The following TRERF1 variants were observed in gnomAD, a reference collection of about 807,000 sequenced individuals.
The protein encoded by TRERF1 is transcriptional-regulating factor 1.
TRERF1 carries 27 observed loss-of-function variants against 122.9 expected under a neutral mutation model. The observed-to-expected ratio is 0.22, with a 90% CI of 0.16 to 0.30. The LOEUF is 0.30. TRERF1 is among the 10% of genes least tolerant of loss of function. The pLI is 1.00. For synonymous variants in TRERF1, 636 were observed against 641.7 expected, an observed-to-expected ratio of 0.99 and a Z score of 0.13; for missense variants, 1,248 against 1,560.3, an observed-to-expected ratio of 0.80 and a Z score of 3.37.
chr6:42,338,742 T>C (rs1451178705), intron 3 of TRERF1, among the ~76,000 whole-genome samples: 1 of 152,138 alleles, frequency 6.6e-6, no homozygotes, highest in Non-Finnish European at 1.5e-5. Context: ...TAATCAACCA[T>C]GTGGCTAGAA....
chr6:42,239,311 C>A (rs1773074879), intron 15 of TRERF1, among the ~76,000 whole-genome samples: 1 of 152,144 alleles, frequency 6.6e-6, no homozygotes, highest in Non-Finnish European at 1.5e-5. Context: ...TCACAGCCAG[C>A]CCCATATATT....
In TRERF1 at chr6:42,268,049, G is replaced by T. The variant is rs1779522638; in HGVS notation, c.1437+105C>A. 2 of 1,304,872 alleles carry T rather than the reference G, an allele frequency of 1.5e-6. No individual in the cohort carries two copies. Among genetic ancestry groups the T allele is most frequent in the Non-Finnish European group, 2.0e-6 (2 of 1,004,766 alleles). 80.8% of individuals were successfully genotyped at this position (1,304,872 alleles called of 1,614,324 possible). On this transcript the variant is annotated intron_variant, in intron 5 of 17. Coordinates refer to ENST00000372922, the Ensembl canonical transcript of TRERF1. The surrounding 1 kb of genome is among the most constrained non-coding windows in gnomAD (Gnocchi z 4.4). ...GGTTAATGTTTGTGGAATTAGTAAA[G>T]AACAAAAGGGTTGAGGGGGCTTGGA...
chr6:42,288,862 G>C (rs1405647819), intron 4 of TRERF1, among the ~76,000 whole-genome samples: 1 of 151,948 alleles, frequency 6.6e-6, no homozygotes, highest in Admixed American at 6.6e-5. Flanking sequence ...CAGGGGGCAA[G>C]GGCAAGACCA....
chr6:42,290,978 G>A lies in TRERF1; in HGVS notation c.-259+9660C>T, dbSNP rs12526216. Among the ~76,000 whole-genome samples the A allele has an allele frequency of 2.2e-3, 333 of 152,144 alleles. 5 individuals are homozygous for A. The highest frequency in any genetic ancestry group is 0.017 in the Admixed American group (262 of 15,278). On this transcript the variant is annotated intron_variant, in intron 4 of 17. Transcript: ENST00000372922. ...CGCTGAGAAGGACACCAAAGAATTC[G>A]TGAAAGGGTGTGCATGTCCTCATGG...
intron 10 of TRERF1, 102 bp from the exon 11 acceptor site, chr6:42,257,204 C>T (rs546081886): frequency 1.4e-6 from 2 of 1,404,516 alleles, no homozygotes; most frequent in African/African-American, 1.4e-5. Context: ...CTAGTTCTTT[C>T]TGCAAGAATG....
exon 11 of TRERF1, chr6:42,256,997 C>G (rs1776868468): frequency 6.2e-7 from 1 of 1,614,208 alleles, no homozygotes; most frequent in Non-Finnish European, 8.5e-7. Context: ...CTAGTTCTGG[C>G]CAGGGCTTCC....
At chr6:42,335,357 G>A (rs927806581) in intron 3 of TRERF1, among the ~76,000 whole-genome samples, 4 of 152,202 alleles carry the variant, frequency 2.6e-5, no homozygotes, top group Non-Finnish European at 4.4e-5. Flanking sequence ...ACACTTACTA[G>A]TACTCACAGT....
chr6:42,236,480 C>A, intron 15 of TRERF1, 69 bp from the exon 16 acceptor site: 1 of 1,518,682 alleles, frequency 6.6e-7, no homozygotes, highest in South Asian at 1.3e-5. Context: ...GAACAGAACT[C>A]ACAGATCAAC....
At chr6:42,346,774 C>T (rs1768374291) in intron 3 of TRERF1, among the ~76,000 whole-genome samples, 1 of 152,128 alleles carries the variant, frequency 6.6e-6, no homozygotes, top group Non-Finnish European at 1.5e-5. Flanking sequence ...CCCAGCCATA[C>T]CATCCTCAGG....
intron 6 of TRERF1, among the ~76,000 whole-genome samples, chr6:42,265,238 C>T (rs999072402): frequency 3.9e-5 from 6 of 152,218 alleles, no homozygotes; most frequent in Admixed American, 3.3e-4. Flanking sequence ...GGGCAGCCGC[C>T]GTACTGCACG....
intron 3 of TRERF1, among the ~76,000 whole-genome samples, chr6:42,313,055 G>A (rs1366473526): frequency 1.3e-5 from 2 of 152,174 alleles, no homozygotes; most frequent in African/African-American, 4.8e-5. Flanking sequence ...GCTGAAGCAG[G>A]AAAAGATGGT....
chr6:42,323,194 G>GTT (rs369315779), intron 3 of TRERF1, among the ~76,000 whole-genome samples: 17 of 141,370 alleles, frequency 1.2e-4, no homozygotes, highest in East Asian at 4.1e-4. Context: ...CTTTCCCCCA[G>GTT]TTTTTTTTTT....
chr6:42,360,659 G>C (rs1208954932), intron 3 of TRERF1, among the ~76,000 whole-genome samples: 1 of 148,312 alleles, frequency 6.7e-6, no homozygotes, highest in Non-Finnish European at 1.5e-5. Flanking sequence ...CCCTGACAAA[G>C]TGTCCAGAAC....
chr6:42,297,766 C>T (rs1785355646), intron 4 of TRERF1, among the ~76,000 whole-genome samples: 1 of 152,114 alleles, frequency 6.6e-6, no homozygotes, highest in Non-Finnish European at 1.5e-5. Flanking sequence ...CAAATCCTCT[C>T]TGGAAAAGAC....
chr6:42,277,905 G>GGAAGAAGAA (rs70987587), intron 4 of TRERF1, among the ~76,000 whole-genome samples: 3,642 of 84,998 alleles, frequency 0.043, 252 homozygotes, highest in East Asian at 0.071. Context: ...GAAGGAAGAA[G>GGAAGAAGAA]GAAGAAGAAG....
At chr6:42,287,530 G>A (rs1321329998) in intron 4 of TRERF1, among the ~76,000 whole-genome samples, 1 of 152,076 alleles carries the variant, frequency 6.6e-6, no homozygotes, top group Non-Finnish European at 1.5e-5. Context: ...AGAGAATGGG[G>A]GCTACCGGCC....
intron 2 of TRERF1, among the ~76,000 whole-genome samples, chr6:42,445,685 C>A (rs1276385385): frequency 6.6e-6 from 1 of 152,046 alleles, no homozygotes; most frequent in African/African-American, 2.4e-5. Flanking sequence ...AGCCAGAAAC[C>A]TCGGAGTTCT....
intron 2 of TRERF1, among the ~76,000 whole-genome samples, chr6:42,423,488 G>C (rs556136453): frequency 6.6e-6 from 1 of 152,074 alleles, no homozygotes; most frequent in African/African-American, 2.4e-5. Context: ...GCAGCCCCGA[G>C]ACAAGGAATC....
At position 42,331,410 on chromosome 6, in the gene TRERF1, G is replaced by C. The variant is rs574766574; in HGVS notation, c.-370-30661C>G. Among the ~76,000 whole-genome samples, 3 of 152,290 alleles carry C rather than the reference G, an allele frequency of 2.0e-5. No individual in the cohort carries two copies. The East Asian group carries it at 5.8e-4, about 29-fold the overall frequency. ...GGACTAACTGAAAGTCAGAAGGCAG[G>C]AGACTAAGACCTGCAGAGACTCTCC... On this transcript the variant is annotated intron_variant, in intron 3 of 17. Coordinates refer to ENST00000372922, the Ensembl canonical transcript of TRERF1.
Sources: gnomAD v4.1 joint callset for allele counts (sites outside exome capture counted in the v4.1 genomes callset) on GRCh38, gnomAD v4.1.1 for gene constraint, Gnocchi (gnomAD v3.1) non-coding constraint, MANE v1.5 for transcripts, NCBI Gene and HGNC (gene_info 2026-07-23, HGNC 2026-07-21) for gene names.